Variants in ATG2B observed in about 807,000 individuals in gnomAD.
The protein encoded by ATG2B is autophagy related 2B, also known as autophagy-related protein 2 homolog B.
A neutral mutation model predicts 241.3 loss-of-function variants in ATG2B; 121 were observed. The ratio of observed to expected loss-of-function variants is 0.50; its 90% CI spans 0.43 to 0.58. The LOEUF (loss-of-function observed/expected upper bound fraction) is 0.58, where lower values mean the gene tolerates loss of function less well. Among genes scored for constraint, ATG2B ranks in the 20% least tolerant of loss-of-function variants. The pLI is 0.00. For synonymous variants in ATG2B, 858 were observed against 876.6 expected, an observed-to-expected ratio of 0.98 and a Z score of 0.37; for missense variants, 2,306 against 2,491.6, an observed-to-expected ratio of 0.93 and a Z score of 1.59.
chr14:96,299,281 G>A (rs1411579694), intron 34 of ATG2B, among the ~76,000 whole-genome samples: 6 of 152,122 alleles, frequency 3.9e-5, no homozygotes, highest in Admixed American at 1.3e-4. Flanking sequence ...CCTCCAGAAA[G>A]CCTTTCCTGA....
At chr14:96,361,442 A>G (rs907096965) in intron 1 of ATG2B, among the ~76,000 whole-genome samples, 5 of 152,198 alleles carry the variant, frequency 3.3e-5, no homozygotes, top group African/African-American at 1.2e-4. Flanking sequence ...AGGATAATGC[A>G]TACAAAGCCC....
chr14:96,347,690 C>T lies in ATG2B; in HGVS notation c.163-349G>A, dbSNP rs1888206495. On this transcript the variant is annotated intron_variant, in intron 1 of 41. Transcript: ENST00000359933. ...GGGCAAATGATTTGAATAGACATTCCTCAAAAGAAGACATAAAATGGCAAA... is the reference window on the plus strand; with the variant it reads ...GGGCAAATGATTTGAATAGACATTCTTCAAAAGAAGACATAAAATGGCAAA... 2.0e-5 allele frequency among the ~76,000 whole-genome samples: 3 copies of T among 152,090 alleles called. No individual in the cohort carries two copies. In the South Asian group the frequency reaches 6.2e-4, roughly 32 times the overall value.
Position 96,298,943 on chromosome 14 carries a change from T to C in ATG2B, c.5139+3064A>G, listed in dbSNP as rs139113440. ...AATGTTTTTAAACTTTAAAAAATTG[T>C]TTATGCTAAACTTTGACTGTAAAAT... On this transcript the variant is annotated intron_variant, in intron 34 of 41. Coordinates refer to ENST00000359933, the MANE Select transcript of ATG2B (RefSeq NM_018036.7). Among the ~76,000 whole-genome samples the C allele has an allele frequency of 1.2e-3, 190 of 152,298 alleles. 2 individuals carry two copies. The highest frequency in any genetic ancestry group is 4.2e-3 in the African/African-American group (174 of 41,564).
intron 29 of ATG2B, among the ~76,000 whole-genome samples, chr14:96,308,271 T>TATATATATATGG (rs1887047705): frequency 3.8e-5 from 1 of 26,456 alleles, no homozygotes; most frequent in Non-Finnish European, 8.2e-5. Flanking sequence ...TATATATATA[T>TATATATATATGG]ATATATATAT....
rs556889306 is a variant in ATG2B at position 96,288,033 on chromosome 14, T to C, written c.6006+1623A>G. On this transcript the variant is annotated intron_variant, in intron 41 of 41. Coordinates refer to ENST00000359933, the MANE Select transcript of ATG2B (RefSeq NM_018036.7). ...GGAACTTTTTTTTTTTTAACTTTAA[T>C]AGAGAATCCAGAGCAAGTCCAAACA... is the stretch of plus-strand genomic sequence containing the variant. Among the ~76,000 whole-genome samples the C allele has an allele frequency of 3.9e-5, 6 of 152,020 alleles. No homozygotes were observed. The South Asian group carries it at 8.3e-4, about 21-fold the overall frequency.
At chr14:96,344,858 A>T in intron 3 of ATG2B, 102 bp from the exon 4 acceptor site, 1 of 532,574 alleles carries the variant, frequency 1.9e-6, no homozygotes, top group Non-Finnish European at 3.2e-6. Context: ...ACTTTTGTTT[A>T]CAAAATAAAG....
chr14:96,360,652 A>C (rs1288500001), intron 1 of ATG2B, among the ~76,000 whole-genome samples: 1 of 152,236 alleles, frequency 6.6e-6, no homozygotes, highest in African/African-American at 2.4e-5. Context: ...AAGGAATGTC[A>C]TTGCTGAGTT....
intron 11 of ATG2B, among the ~76,000 whole-genome samples, chr14:96,330,350 A>G (rs943646797): frequency 6.6e-6 from 1 of 152,246 alleles, no homozygotes; most frequent in East Asian, 1.9e-4. Flanking sequence ...GATTAAATAA[A>G]CGCCCAAAGT....
At chr14:96,341,733 A>C in intron 5 of ATG2B, 32 bp from the exon 6 acceptor site, 2 of 1,407,342 alleles carry the variant, frequency 1.4e-6, no homozygotes, top group Non-Finnish European at 1.9e-6. Context: ...AATTATTTAA[A>C]ATACTTTCAT....
chr14:96,331,685 A>G (rs779339956), intron 10 of ATG2B, 48 bp from the exon 11 acceptor site: 2 of 1,379,262 alleles, frequency 1.5e-6, no homozygotes, highest in African/African-American at 3.0e-5. Context: ...GACACATAAA[A>G]CTATTAAAAT....
chr14:96,315,067 T>C, intron 23 of ATG2B, 87 bp downstream of exon 23: 1 of 918,806 alleles, frequency 1.1e-6, no homozygotes, highest in East Asian at 2.7e-5. Flanking sequence ...GAGCTGAACA[T>C]TTATGACTTA....
intron 41 of ATG2B, among the ~76,000 whole-genome samples, chr14:96,286,599 A>G (rs1292178528): frequency 6.6e-6 from 1 of 152,176 alleles, no homozygotes; most frequent in Admixed American, 6.5e-5. Context: ...GATGATTGCT[A>G]AGCTTTCTTT....
At chr14:96,340,235 A>G (rs1887997595) in intron 6 of ATG2B, among the ~76,000 whole-genome samples, 2 of 131,482 alleles carry the variant, frequency 1.5e-5, no homozygotes. Context: ...GTGTGTGTGT[A>G]TTTATATATA....
intron 1 of ATG2B, among the ~76,000 whole-genome samples, chr14:96,358,191 TG>T (rs1027974761): frequency 1.3e-5 from 2 of 151,650 alleles, no homozygotes; most frequent in Admixed American, 6.6e-5. Flanking sequence ...TTCCAGAAAC[TG>T]GGGGGGGCTG....
intron 1 of ATG2B, among the ~76,000 whole-genome samples, chr14:96,360,630 G>A (rs1230519295): frequency 6.6e-6 from 1 of 152,142 alleles, no homozygotes; most frequent in East Asian, 1.9e-4. Flanking sequence ...AACTAATTGA[G>A]ATCAGGAATG....
In ATG2B at chr14:96,289,672, T is replaced by TAGGC; in HGVS notation, c.5986_5989dup (p.Tyr1997CysfsTer18). On this transcript the variant is annotated frameshift_variant, in exon 41 of 42. Coordinates refer to ENST00000359933, the MANE Select transcript of ATG2B (RefSeq NM_018036.7). LOFTEE classifies it high-confidence loss of function. This position sits in a 1 kb window ranked among gnomAD's most constrained non-coding sequence, Gnocchi z 4.3. Reference sequence around the variant, plus strand: ...TTCAGTTACCTCTTTCACAACACTGTAGGCCTTGGCCACACCTTCCCTCAG... The same window carrying TAGGC: ...TTCAGTTACCTCTTTCACAACACTGTAGGCAGGCCTTGGCCACACCTTCCCTCAG... 1 of 1,614,200 alleles carries TAGGC rather than the reference T, an allele frequency of 6.2e-7. No homozygotes were observed. Among genetic ancestry groups the TAGGC allele is most frequent in the Non-Finnish European group, 8.5e-7 (1 of 1,180,014 alleles).
chr14:96,363,098 T>C lies in ATG2B; in HGVS notation c.-122A>G. Reference sequence around the variant, plus strand: ...CCTGGGGCGGCCCCTCCATCCCTATTTGGTGCCGGGAGTCCCTCAGGGAGA... The same window carrying C: ...CCTGGGGCGGCCCCTCCATCCCTATCTGGTGCCGGGAGTCCCTCAGGGAGA... On this transcript the variant is annotated 5_prime_UTR_variant, in exon 1 of 42. Transcript: ENST00000359933. 8.6e-7 allele frequency: 1 copy of C among 1,160,894 alleles called. No homozygotes were observed. Among genetic ancestry groups the C allele is most frequent in the Non-Finnish European group, 1.3e-6 (1 of 792,808 alleles). The allele number at this position is 1,160,894 out of a possible 1,614,324, so 71.9% of individuals were successfully genotyped here.
At chr14:96,299,493 T>C (rs1198494355) in intron 34 of ATG2B, among the ~76,000 whole-genome samples, 1 of 152,204 alleles carries the variant, frequency 6.6e-6, no homozygotes, top group African/African-American at 2.4e-5. Context: ...ATATAAAACT[T>C]GGGACAAGGC....
intron 1 of ATG2B, among the ~76,000 whole-genome samples, chr14:96,350,560 G>A (rs183835092): frequency 6.6e-6 from 1 of 152,254 alleles, no homozygotes; most frequent in Admixed American, 6.5e-5. Context: ...CAGAAAGAAC[G>A]TAAATGCGAT....
Sources: gnomAD v4.1 joint callset for allele counts (sites outside exome capture counted in the v4.1 genomes callset) on GRCh38, gnomAD v4.1.1 for gene constraint, Gnocchi (gnomAD v3.1) non-coding constraint, MANE v1.5 for transcripts, NCBI Gene and HGNC (gene_info 2026-07-23, HGNC 2026-07-21) for gene names.